ZNF233: variants seen among roughly 807,000 people sequenced by gnomAD.
ZNF233 encodes the protein zinc finger protein 233.
A neutral mutation model predicts 11.6 loss-of-function variants in ZNF233; 7 were observed. The ratio of observed to expected loss-of-function variants is 0.60; its 90% CI spans 0.34 to 1.13. ZNF233 has a LOEUF of 1.13. Ranked by LOEUF, ZNF233 falls within the 50% of genes most tolerant of loss-of-function variation. The pLI, the probability that ZNF233 is intolerant of heterozygous loss-of-function variation, is 0.03. For synonymous variants in ZNF233, 226 were observed against 268.5 expected, an observed-to-expected ratio of 0.84 and a Z score of 1.55; for missense variants, 711 against 785.5, an observed-to-expected ratio of 0.91 and a Z score of 1.13.
intron 1 of ZNF233, 102 bp downstream of exon 1, chr19:44,260,040 G>C (rs1239338623): frequency 5.2e-6 from 2 of 382,356 alleles, no homozygotes; most frequent in Non-Finnish European, 1.1e-5. Flanking sequence ...AAGTCGCAGA[G>C]GGCGGGGACG....
rs1462047850 is a variant in ZNF233, at chr19:44,274,404, C to T, written c.1744C>T (p.His582Tyr). The T allele has an allele frequency of 6.2e-7, 1 of 1,614,074 alleles. No homozygotes were observed. Among genetic ancestry groups the T allele is most frequent in the African/African-American group, 1.3e-5 (1 of 74,934 alleles). Residue 582 changes from histidine (H) to tyrosine (Y), a missense_variant, in exon 5 of 5, where the codon CAT (histidine) becomes TAT (tyrosine). Transcript: ENST00000683810. ...GFSWSSHLQA[H>Y]QRVHTGEKPY... Reference sequence around the variant, plus strand: ...CAGTTGGAGTTCACATCTTCAAGCCCATCAGAGAGTCCACACAGGAGAGAA... The same window carrying T: ...CAGTTGGAGTTCACATCTTCAAGCCTATCAGAGAGTCCACACAGGAGAGAA...
intron 2 of ZNF233, among the ~76,000 whole-genome samples, chr19:44,265,407 A>ACACC (rs1181505300): frequency 1.6e-5 from 2 of 121,970 alleles, no homozygotes; most frequent in Non-Finnish European, 3.5e-5. Context: ...ACACACACAC[A>ACACC]CACCACGGTT....
At position 44,274,027 on chromosome 19, in the gene ZNF233, T is replaced by A; in HGVS notation, c.1367T>A (p.Val456Glu). 6.3e-7 allele frequency: 1 copy of A among 1,597,576 alleles called. No homozygotes were observed. ...HTGEKPYKCE[V>E]CDKGFSKASN... is the part of the protein sequence containing the mutation. Reference sequence around the variant, plus strand: ...GGAGAGAAACCATATAAATGTGAGGTATGTGATAAGGGCTTCAGTAAGGCC... The same window carrying A: ...GGAGAGAAACCATATAAATGTGAGGAATGTGATAAGGGCTTCAGTAAGGCC... Residue 456 changes from valine to glutamate, a missense_variant, in exon 5 of 5, where the codon GTA becomes GAA. Val to Glu is a moderately radical substitution (Grantham distance 121). Transcript: ENST00000683810.
At chr19:44,271,802 A>G (rs186098797) in intron 4 of ZNF233, among the ~76,000 whole-genome samples, 89 of 151,894 alleles carry the variant, frequency 5.9e-4, no homozygotes, top group African/African-American at 2.0e-3. Flanking sequence ...GAGCCACCGC[A>G]CCCAGCCAAA....
At chr19:44,263,458 T>C (rs1313153591) in intron 1 of ZNF233, among the ~76,000 whole-genome samples, 2 of 152,196 alleles carry the variant, frequency 1.3e-5, no homozygotes, top group African/African-American at 4.8e-5. Flanking sequence ...TACAGTATTT[T>C]TCATTTAAGT....
rs536202752 is a variant in ZNF233, at chr19:44,273,968, T to C, written c.1308T>C (p.Asn436=). ...GGGAAGTAAGTGACAGGATATTTAATAGGAATTCTGGTCTTCACCAGAGAG... is the reference window on the plus strand; with the variant it reads ...GGGAAGTAAGTGACAGGATATTTAACAGGAATTCTGGTCTTCACCAGAGAG... ...YKWEVSDRIF[N]RNSGLHQRVH... The change falls in exon 5 of 5, where the codon AAT becomes AAC. Residue 436 remains asparagine (N), a synonymous_variant. Transcript: ENST00000683810. 6.2e-7 allele frequency: 1 copy of C among 1,613,484 alleles called. No homozygotes were observed. Among genetic ancestry groups the C allele is most frequent in the East Asian group, 2.2e-5 (1 of 44,846 alleles).
At chr19:44,262,403 G>A (rs1974962626) in intron 1 of ZNF233, among the ~76,000 whole-genome samples, 1 of 152,178 alleles carries the variant, frequency 6.6e-6, no homozygotes, top group Non-Finnish European at 1.5e-5. Context: ...GGAAATTCAG[G>A]CCTCGAAAAG....
intron 1 of ZNF233, among the ~76,000 whole-genome samples, chr19:44,262,419 C>T (rs1442587606): frequency 2.6e-5 from 4 of 152,162 alleles, no homozygotes; most frequent in Non-Finnish European, 4.4e-5. Flanking sequence ...AAAAGTGGCC[C>T]TGGTACATGT....
chr19:44,265,421 TTTC>T (rs953818249), intron 2 of ZNF233, among the ~76,000 whole-genome samples: 13 of 151,134 alleles, frequency 8.6e-5, no homozygotes, highest in African/African-American at 2.7e-4. Flanking sequence ...CACGGTTTCT[TTTC>T]TTTTGTTTTT....
Position 44,274,425 on chromosome 19 carries a change from G to C in ZNF233, c.1765G>C (p.Glu589Gln). 1 of 1,614,242 alleles carries C rather than the reference G, an allele frequency of 6.2e-7. No individual in the cohort carries two copies. The highest frequency in any genetic ancestry group is 8.5e-7 in the Non-Finnish European group (1 of 1,180,050). ...LQAHQRVHTG[E>Q]KPYKCEECRK... ...AGCCCATCAGAGAGTCCACACAGGAGAGAAACCATACAAATGTGAAGAATG... is the reference window on the plus strand; with the variant it reads ...AGCCCATCAGAGAGTCCACACAGGACAGAAACCATACAAATGTGAAGAATG... Residue 589 changes from glutamate to glutamine, a missense_variant, in exon 5 of 5, where the codon GAG becomes CAG. By Grantham distance (29) the Glu-to-Gln change is conservative. Transcript: ENST00000683810.
chr19:44,270,346 TAAA>T (rs398034740), intron 4 of ZNF233, among the ~76,000 whole-genome samples: 3 of 72,730 alleles, frequency 4.1e-5, no homozygotes, highest in African/African-American at 1.2e-4. Flanking sequence ...CCATCTATAC[TAAA>T]AAAAAAAAAA....
chr19:44,274,520 T>C lies in ZNF233; in HGVS notation c.1860T>C (p.Tyr620=). ...HQRIHTGEKP[Y]KCGMCGKSFS... ...GGATCCACACGGGAGAGAAACCCTA[T>C]AAATGTGGCATGTGTGGTAAGAGCT... The change falls in exon 5 of 5, where the codon TAT becomes TAC. Residue 620 remains tyrosine, a synonymous_variant. Transcript: ENST00000683810. 2 of 1,612,292 alleles carry C rather than the reference T, an allele frequency of 1.2e-6. No homozygotes were observed. Among genetic ancestry groups the C allele is most frequent in the Non-Finnish European group, 1.7e-6 (2 of 1,179,446 alleles).
intron 3 of ZNF233, 124 bp downstream of exon 3, chr19:44,266,448 T>G: frequency 7.9e-7 from 1 of 1,258,578 alleles, no homozygotes; most frequent in Non-Finnish European, 1.1e-6. Flanking sequence ...TTCTAATTCC[T>G]CAGGGACATC....
intron 4 of ZNF233, among the ~76,000 whole-genome samples, chr19:44,269,371 C>T (rs895399597): frequency 5.9e-5 from 9 of 151,924 alleles, no homozygotes; most frequent in Non-Finnish European, 1.2e-4. Context: ...TCTTGGCTGG[C>T]TGCAACCTCT....
At position 44,274,117 on chromosome 19, in the gene ZNF233, A is replaced by G. The variant is rs779683597; in HGVS notation, c.1457A>G (p.Asp486Gly). 1.3e-5 allele frequency: 21 copies of G among 1,611,898 alleles called. 1 individual carries two copies. In the Admixed American group the frequency reaches 1.5e-4, roughly 12 times the overall value. ...AAACCCTACAAATGTGATGTGTGTG[A>G]TAAGAACTTCAGCCGTAATTCCCAC... The part of the protein sequence containing the change: ...GEKPYKCDVC[D>G]KNFSRNSHLQ... The change falls in exon 5 of 5, where the codon GAT (aspartate) becomes GGT (glycine). Residue 486 changes from aspartate to glycine, a missense_variant. Asp to Gly is a moderately conservative substitution (Grantham distance 94, BLOSUM62 -1). Transcript: ENST00000683810.
Position 44,266,244 on chromosome 19 carries a change from A to G in ZNF233, c.62A>G (p.Glu21Gly), listed in dbSNP as rs1376135725. 2.5e-6 allele frequency: 4 copies of G among 1,612,596 alleles called. No individual in the cohort carries two copies. Among genetic ancestry groups the G allele is most frequent in the African/African-American group, 1.3e-5 (1 of 74,940 alleles). The change falls in exon 3 of 5, where the codon GAG (glutamate) becomes GGG (glycine). Residue 21 changes from glutamate (E) to glycine (G), a missense_variant. Glu to Gly is a moderately conservative substitution (Grantham distance 98, BLOSUM62 -2). Transcript: ENST00000683810. The stretch of plus-strand genomic sequence containing the variant: ...GTGGCTGTGGTCTTCACCAGGGAGG[A>G]GCTGGGGTTGCTGGACCTTGCCCAG... The part of the protein sequence containing the change: ...KDVAVVFTRE[E>G]LGLLDLAQRK...
In ZNF233 at chr19:44,270,509, G is replaced by A. The variant is rs144862086; in HGVS notation, c.239-2390G>A. ...GCACTCCAGCCTGGGGAACAAGAGC[G>A]GAACTTCGTCTCAAAACAAAACAAA... On this transcript the variant is annotated intron_variant, in intron 4 of 4. Transcript: ENST00000683810. Among the ~76,000 whole-genome samples, 45 of 152,180 alleles carry A rather than the reference G, an allele frequency of 3.0e-4. 1 individual carries two copies. Among genetic ancestry groups the A allele is most frequent in the African/African-American group, 8.9e-4 (37 of 41,526 alleles).
rs1442890996 is a variant in ZNF233 at position 44,274,075 on chromosome 19, G to T, written c.1415G>T (p.Arg472Ile). The T allele has an allele frequency of 1.3e-6, 2 of 1,597,854 alleles. No individual in the cohort carries two copies. Among genetic ancestry groups the T allele is most frequent in the African/African-American group, 3.3e-5 (2 of 61,188 alleles). ...GCCTCAAATCTTCAAGCCCATCAGA[G>T]AATCCACACTGGAGAGAAACCCTAC... Reference protein sequence around the residue: ...SKASNLQAHQRIHTGEKPYKC... With the variant: ...SKASNLQAHQIIHTGEKPYKC... The change falls in exon 5 of 5, where the codon AGA becomes ATA. Residue 472 changes from arginine to isoleucine, a missense_variant. Physicochemically the swap from Arg to Ile is moderately conservative, Grantham distance 97. Coordinates refer to ENST00000683810, the MANE Select transcript of ZNF233 (RefSeq NM_001207005.2).
Position 44,274,005 on chromosome 19 carries a change from G to C in ZNF233, c.1345G>C (p.Glu449Gln), listed in dbSNP as rs773307061. Residue 449 changes from glutamate (E) to glutamine (Q), a missense_variant, in exon 5 of 5, where the codon GAG becomes CAG. Coordinates refer to ENST00000683810, the MANE Select transcript of ZNF233 (RefSeq NM_001207005.2). ...SGLHQRVHTG[E>Q]KPYKCEVCDK... Reference sequence around the variant, plus strand: ...TCTTCACCAGAGAGTTCACACTGGAGAGAAACCATATAAATGTGAGGTATG... The same window carrying C: ...TCTTCACCAGAGAGTTCACACTGGACAGAAACCATATAAATGTGAGGTATG... 2 of 1,597,636 alleles carry C rather than the reference G, an allele frequency of 1.3e-6. No individual in the cohort carries two copies. Among genetic ancestry groups the C allele is most frequent in the South Asian group, 2.2e-5 (2 of 91,018 alleles).
Sources: allele counts gnomAD v4.1 joint callset (sites outside exome capture counted in the v4.1 genomes callset), GRCh38; gene constraint gnomAD v4.1.1; transcripts MANE v1.5; gene names NCBI Gene and HGNC (gene_info 2026-07-23, HGNC 2026-07-21).